NKAIN2: variants seen among roughly 807,000 people sequenced by gnomAD.
The protein encoded by NKAIN2 is sodium/potassium transporting ATPase interacting 2, also known as sodium/potassium-transporting ATPase subunit beta-1-interacting protein 2.
NKAIN2 carries 14 observed loss-of-function variants against 32.6 expected under a neutral mutation model. The observed-to-expected ratio is 0.43, with a 90% CI of 0.28 to 0.67. The LOEUF (loss-of-function observed/expected upper bound fraction) is 0.67. Ranked by LOEUF, NKAIN2 falls within the 30% of genes least tolerant of loss-of-function variation. The pLI is 0.17. For missense variants in NKAIN2, 198 were observed against 258.3 expected (o/e 0.77, Z 1.60); for synonymous variants, 80 against 87.2 (o/e 0.92, Z 0.46).
chr6:123,957,271 A>T (rs1258128812), intron 1 of NKAIN2, among the ~76,000 whole-genome samples: 1 of 152,190 alleles, frequency 6.6e-6, no homozygotes, highest in Admixed American at 6.6e-5. Context: ...ACTTAACTTA[A>T]AAATAAGTAA....
intron 1 of NKAIN2, among the ~76,000 whole-genome samples, chr6:124,227,064 C>G (rs1384460337): frequency 7.0e-6 from 1 of 143,178 alleles, no homozygotes; most frequent in Non-Finnish European, 1.5e-5. Context: ...TTGGAAGATT[C>G]ACTATTGCTA....
At chr6:123,883,651 T>TC (rs1562238075) in intron 1 of NKAIN2, among the ~76,000 whole-genome samples, 2 of 111,808 alleles carry the variant, frequency 1.8e-5, no homozygotes, top group Non-Finnish European at 3.9e-5. Context: ...TAAAAAAAAA[T>TC]TTTTTTTAAA....
intron 4 of NKAIN2, among the ~76,000 whole-genome samples, chr6:124,721,182 C>G (rs113252992): frequency 6.6e-6 from 1 of 152,004 alleles, no homozygotes; most frequent in African/African-American, 2.4e-5. Context: ...TTTGGGAGGC[C>G]GAGGCGGGAG....
intron 1 of NKAIN2, among the ~76,000 whole-genome samples, chr6:123,927,169 C>T (rs1776040954): frequency 6.6e-6 from 1 of 150,652 alleles, no homozygotes; most frequent in South Asian, 2.1e-4. Context: ...CAATTTAAAT[C>T]CCTTAGTAAC....
chr6:124,625,653 GGAGGA>G (rs1325222818), intron 3 of NKAIN2, among the ~76,000 whole-genome samples: 4 of 152,056 alleles, frequency 2.6e-5, no homozygotes, highest in South Asian at 2.1e-4. Context: ...TATTATGAAA[GGAGGA>G]GAGAAGTTAT....
At chr6:123,997,192 T>C (rs1217305179) in intron 1 of NKAIN2, among the ~76,000 whole-genome samples, 1 of 152,238 alleles carries the variant, frequency 6.6e-6, no homozygotes, top group Non-Finnish European at 1.5e-5. Context: ...TAGGCTGATA[T>C]GTTTTTAATA....
chr6:124,576,801 C>T (rs1012382651), intron 3 of NKAIN2, among the ~76,000 whole-genome samples: 3 of 152,096 alleles, frequency 2.0e-5, no homozygotes, highest in African/African-American at 4.8e-5. Flanking sequence ...AGATCCATAC[C>T]TCAAACTGTA....
At chr6:124,093,349 G>T (rs1314890018) in intron 1 of NKAIN2, among the ~76,000 whole-genome samples, 1 of 152,030 alleles carries the variant, frequency 6.6e-6, no homozygotes, top group East Asian at 1.9e-4. Flanking sequence ...CTCCAAAGCC[G>T]CACTACCTAG....
intron 3 of NKAIN2, among the ~76,000 whole-genome samples, chr6:124,375,978 T>C (rs1272113958): frequency 1.3e-5 from 2 of 152,090 alleles, no homozygotes; most frequent in Non-Finnish European, 2.9e-5. Flanking sequence ...ATAGTTTACA[T>C]TGGAGTATGA....
At chr6:124,563,003 C>T in intron 3 of NKAIN2, among the ~76,000 whole-genome samples, 1 of 150,460 alleles carries the variant, frequency 6.6e-6, no homozygotes, top group Non-Finnish European at 1.5e-5. Context: ...CTCCTAGGTT[C>T]AAGCGATTCT....
intron 1 of NKAIN2, among the ~76,000 whole-genome samples, chr6:124,110,194 C>T (rs995620721): frequency 1.3e-5 from 2 of 149,760 alleles, no homozygotes; most frequent in Non-Finnish European, 3.0e-5. Flanking sequence ...TTATCGAGTG[C>T]AGTTTATCCC....
intron 4 of NKAIN2, among the ~76,000 whole-genome samples, chr6:124,739,597 C>A (rs1162392555): frequency 6.6e-6 from 1 of 151,786 alleles, no homozygotes; most frequent in Non-Finnish European, 1.5e-5. Flanking sequence ...TAGCATGTCC[C>A]TTGGGATAAT....
intron 1 of NKAIN2, among the ~76,000 whole-genome samples, chr6:124,050,869 A>G (rs896046749): frequency 2.6e-5 from 4 of 152,058 alleles, no homozygotes; most frequent in African/African-American, 7.2e-5. Context: ...AATCGTACCT[A>G]TTGAATCAAT....
intron 3 of NKAIN2, among the ~76,000 whole-genome samples, chr6:124,535,835 A>G (rs1246393588): frequency 6.6e-6 from 1 of 152,236 alleles, no homozygotes; most frequent in Non-Finnish European, 1.5e-5. Flanking sequence ...AAGAGGGAGC[A>G]GGAGCAGTTC....
chr6:124,143,871 C>A (rs1000912088), intron 1 of NKAIN2, among the ~76,000 whole-genome samples: 12 of 152,038 alleles, frequency 7.9e-5, no homozygotes, highest in Non-Finnish European at 1.2e-4. Flanking sequence ...TAATGGTTTT[C>A]TTATTATCCT....
intron 1 of NKAIN2, among the ~76,000 whole-genome samples, chr6:123,931,845 A>G (rs912572219): frequency 6.6e-6 from 1 of 152,128 alleles, no homozygotes; most frequent in Non-Finnish European, 1.5e-5. Context: ...ACCAATGCAC[A>G]TCTTAAAAAT....
rs1582911516 is a variant in NKAIN2 at position 124,242,882 on chromosome 6, A to G, written c.55-40123A>G. 2.9e-5 allele frequency among the ~76,000 whole-genome samples: 4 copies of G among 139,020 alleles called. No individual in the cohort carries two copies. In the Admixed American group the frequency reaches 2.9e-4, roughly 10 times the overall value. 91.2% of individuals were successfully genotyped at this position (139,020 alleles called of 152,430 possible). A position where few individuals can be genotyped will look rare whatever the true frequency, so the allele number is the denominator to read the frequency against. ...GGAGGGGAACATCTCACACGGGGGC[A>G]TGTCAGGGGCTGGGGGGCTAGGGGA... On this transcript the variant is annotated intron_variant, in intron 1 of 6. Coordinates refer to ENST00000368417, the MANE Select transcript of NKAIN2 (RefSeq NM_001040214.3).
intron 3 of NKAIN2, among the ~76,000 whole-genome samples, chr6:124,372,501 G>C (rs1360536377): frequency 6.6e-6 from 1 of 152,064 alleles, no homozygotes; most frequent in Non-Finnish European, 1.5e-5. Context: ...GGATTTTTAT[G>C]TTTGTCTTAA....
chr6:124,074,114 A>G (rs1378629393), intron 1 of NKAIN2, among the ~76,000 whole-genome samples: 1 of 152,154 alleles, frequency 6.6e-6, no homozygotes, highest in Non-Finnish European at 1.5e-5. Context: ...AACTTTCAAG[A>G]ATCATCTCCC....
Sources: allele counts gnomAD v4.1 joint callset (sites outside exome capture counted in the v4.1 genomes callset), GRCh38; gene constraint gnomAD v4.1.1; transcripts MANE v1.5; gene names NCBI Gene and HGNC (gene_info 2026-07-23, HGNC 2026-07-21).